ADGRB3: variants seen among roughly 807,000 people sequenced by gnomAD.
ADGRB3 encodes adhesion G protein-coupled receptor B3.
In ADGRB3, 37 loss-of-function variants were observed where a neutral mutation model predicts 193.4. The ratio of observed to expected loss-of-function variants is 0.19; its 90% confidence interval spans 0.15 to 0.25. The LOEUF (loss-of-function observed/expected upper bound fraction) is 0.25, where lower values mean the gene tolerates loss of function less well. ADGRB3 is among the 10% of genes least tolerant of loss of function. The probability of loss-of-function intolerance (pLI) is 1.00; values close to 1 mark genes in which losing one functional copy is unlikely to be tolerated. For missense variants in ADGRB3, 1,637 were observed against 1,852.9 expected (o/e 0.88, Z 2.14); for synonymous variants, 690 against 644.2 (o/e 1.07, Z -1.08).
intron 20 of ADGRB3, among the ~76,000 whole-genome samples, chr6:69,308,004 G>A (rs1768102024): frequency 6.6e-6 from 1 of 151,534 alleles, no homozygotes; most frequent in Non-Finnish European, 1.5e-5. Context: ...TGCCAGAAAG[G>A]CAGCAAAGAA....
intron 3 of ADGRB3, among the ~76,000 whole-genome samples, chr6:68,673,643 A>T (rs1354007570): frequency 6.6e-6 from 1 of 152,190 alleles, no homozygotes; most frequent in Non-Finnish European, 1.5e-5. Context: ...CTGGGGTTTT[A>T]CTAGCAATCT....
In ADGRB3 at chr6:68,923,197, A is replaced by G. The variant is rs552378552; in HGVS notation, c.758-7362A>G. 3.3e-5 allele frequency among the ~76,000 whole-genome samples: 5 copies of G among 152,250 alleles called. No individual in the cohort carries two copies. The South Asian group carries it at 1.0e-3, about 31-fold the overall frequency. On this transcript the variant is annotated intron_variant, in intron 3 of 31. Transcript: ENST00000370598. ...ATAAACTAAAATATAGTGGTAGATA[A>G]ATGGTAAAACATGACCAGAACTACT...
At chr6:69,195,656 G>A (rs1299456091) in intron 17 of ADGRB3, among the ~76,000 whole-genome samples, 4 of 151,870 alleles carry the variant, frequency 2.6e-5, no homozygotes, top group African/African-American at 7.2e-5. Flanking sequence ...GTGAACAAGG[G>A]CAGGTTTTCA....
At chr6:69,304,097 T>TA (rs1768010759) in intron 20 of ADGRB3, among the ~76,000 whole-genome samples, 1 of 151,632 alleles carries the variant, frequency 6.6e-6, no homozygotes, top group African/African-American at 2.4e-5. Flanking sequence ...AGGGTTTTTT[T>TA]TAAAAAAAAG....
intron 30 of ADGRB3, among the ~76,000 whole-genome samples, chr6:69,376,922 AT>A (rs1389720601): frequency 1.3e-5 from 2 of 152,086 alleles, no homozygotes; most frequent in Non-Finnish European, 2.9e-5. Context: ...AAATAAAAAA[AT>A]ATGCAACTAA....
intron 17 of ADGRB3, among the ~76,000 whole-genome samples, chr6:69,188,498 A>G (rs753452471): frequency 9.9e-5 from 15 of 152,026 alleles, no homozygotes; most frequent in Non-Finnish European, 1.9e-4. Context: ...TAGTAGAGAC[A>G]GGGTTTCACC....
chr6:68,950,461 GA>G (rs1227927032), intron 6 of ADGRB3, among the ~76,000 whole-genome samples: 1 of 152,112 alleles, frequency 6.6e-6, no homozygotes, highest in East Asian at 1.9e-4. Context: ...AATTAAATTT[GA>G]GAAGTAAATT....
intron 3 of ADGRB3, among the ~76,000 whole-genome samples, chr6:68,780,527 G>A (rs1270678256): frequency 6.6e-6 from 1 of 152,086 alleles, no homozygotes; most frequent in Non-Finnish European, 1.5e-5. Flanking sequence ...TACCGCTTGA[G>A]AGTACATGTT....
intron 17 of ADGRB3, among the ~76,000 whole-genome samples, chr6:69,216,884 G>A (rs113935506): frequency 1.9e-3 from 292 of 152,246 alleles, no homozygotes; most frequent in African/African-American, 6.5e-3. Flanking sequence ...GGAACTGCAC[G>A]CATTCAGGTT....
intron 11 of ADGRB3, among the ~76,000 whole-genome samples, chr6:69,001,377 G>A (rs887160888): frequency 6.6e-6 from 1 of 152,188 alleles, no homozygotes; most frequent in Non-Finnish European, 1.5e-5. Flanking sequence ...CATAAAGGCA[G>A]GAAAGTTGAG....
intron 8 of ADGRB3, among the ~76,000 whole-genome samples, chr6:68,962,819 C>A (rs1442482847): frequency 6.6e-6 from 1 of 152,098 alleles, no homozygotes; most frequent in Non-Finnish European, 1.5e-5. Context: ...TTATTTTTCT[C>A]ACCTTGTGTA....
intron 6 of ADGRB3, among the ~76,000 whole-genome samples, chr6:68,954,871 C>T (rs1351498776): frequency 6.6e-6 from 1 of 151,854 alleles, no homozygotes; most frequent in South Asian, 2.1e-4. Flanking sequence ...TCAGTAGAGA[C>T]GGGGTTTCAC....
At chr6:69,182,420 A>C (rs550990445) in intron 17 of ADGRB3, among the ~76,000 whole-genome samples, 1 of 151,956 alleles carries the variant, frequency 6.6e-6, no homozygotes, top group Non-Finnish European at 1.5e-5. Flanking sequence ...AAAAAAAAAA[A>C]ACAGAAGGCT....
At position 69,388,746 on chromosome 6, in the gene ADGRB3, A is replaced by C; in HGVS notation, c.4424A>C (p.Asn1475Thr). ...AAGAATCCATGGGACACTTTCAAAA[A>C]CCCCAGTGAATACCCGCATTACACC... is the stretch of plus-strand genomic sequence containing the variant. The part of the protein sequence containing the change: ...PNKNPWDTFK[N>T]PSEYPHYTTI... The change falls in exon 32 of 32, where the codon AAC becomes ACC. Residue 1475 changes from asparagine to threonine, a missense_variant. Asn to Thr is a moderately conservative substitution (Grantham distance 65). Transcript: ENST00000370598. 1 of 1,613,248 alleles carries C rather than the reference A, an allele frequency of 6.2e-7. No individual in the cohort carries two copies. The highest frequency in any genetic ancestry group is 8.5e-7 in the Non-Finnish European group (1 of 1,179,584).
intron 20 of ADGRB3, among the ~76,000 whole-genome samples, chr6:69,243,500 A>G (rs1334830847): frequency 6.6e-6 from 1 of 150,740 alleles, no homozygotes; most frequent in Admixed American, 6.6e-5. Flanking sequence ...CGTGGGCCCC[A>G]TCGCTAAAAG....
At chr6:68,928,684 A>C (rs1222024110) in intron 3 of ADGRB3, among the ~76,000 whole-genome samples, 1 of 152,176 alleles carries the variant, frequency 6.6e-6, no homozygotes, top group Non-Finnish European at 1.5e-5. Context: ...TTACTACATA[A>C]TTAATTTGTA....
At chr6:68,762,346 A>C (rs2127351740) in intron 3 of ADGRB3, among the ~76,000 whole-genome samples, 1 of 152,278 alleles carries the variant, frequency 6.6e-6, no homozygotes, top group Admixed American at 6.5e-5. Context: ...TAACTTATAT[A>C]TTTTGTTAAA....
In ADGRB3 at chr6:69,262,846, G is replaced by A. The variant is rs577123299; in HGVS notation, c.2814+23620G>A. Among the ~76,000 whole-genome samples, 17 of 152,020 alleles carry A rather than the reference G, an allele frequency of 1.1e-4. No individual in the cohort carries two copies. In the East Asian group the frequency reaches 2.9e-3, roughly 26 times the overall value. On this transcript the variant is annotated intron_variant, in intron 20 of 31. Coordinates refer to ENST00000370598, the MANE Select transcript of ADGRB3 (RefSeq NM_001704.3). The stretch of plus-strand genomic sequence containing the variant: ...TCATAAAAAAAAAATATTATAGATA[G>A]GGTTTGGTAGTATCTAGGTTTTCAG...
chr6:69,219,796 A>G (rs1361867692), intron 17 of ADGRB3, among the ~76,000 whole-genome samples: 1 of 151,920 alleles, frequency 6.6e-6, no homozygotes, highest in African/African-American at 2.4e-5. Context: ...TCACCAAGAA[A>G]TCAGTGTCAA....
Sources: gnomAD v4.1 joint callset for allele counts (sites outside exome capture counted in the v4.1 genomes callset) on GRCh38, gnomAD v4.1.1 for gene constraint, MANE v1.5 for transcripts, NCBI Gene and HGNC (gene_info 2026-07-23, HGNC 2026-07-21) for gene names.